Variants in HRH1 observed in about 807,000 individuals in gnomAD.
HRH1 encodes histamine receptor H1.
In HRH1, 6 loss-of-function variants were observed where a neutral mutation model predicts 10.3. That is an observed-to-expected ratio of 0.58 (90% CI 0.32 to 1.15). The LOEUF (loss-of-function observed/expected upper bound fraction) is 1.15. Ranked by LOEUF, HRH1 falls within the 50% of genes most tolerant of loss-of-function variation. The pLI is 0.05. For synonymous variants in HRH1, 242 were observed against 236.7 expected, an observed-to-expected ratio of 1.02 and a Z score of -0.21; for missense variants, 514 against 615.3, an observed-to-expected ratio of 0.84 and a Z score of 1.74.
chr3:11,258,549 C>T (rs953290000), intron 1 of HRH1, among the ~76,000 whole-genome samples: 5 of 152,184 alleles, frequency 3.3e-5, no homozygotes, highest in Non-Finnish European at 5.9e-5. Context: ...TGTTTGACAT[C>T]CTCATCCTAT....
At chr3:11,223,513 T>G (rs137958474) in intron 1 of HRH1, among the ~76,000 whole-genome samples, 1,836 of 150,390 alleles carry the variant, frequency 0.012, 40 homozygotes, top group African/African-American at 0.042. Context: ...AAAAAAAATG[T>G]GGACGCTCCT....
intron 1 of HRH1, among the ~76,000 whole-genome samples, chr3:11,168,717 C>T (rs1479280777): frequency 1.3e-5 from 2 of 152,230 alleles, no homozygotes; most frequent in African/African-American, 4.8e-5. Flanking sequence ...ATGAGAGGTA[C>T]TCCTGCTGTG....
chr3:11,219,778 C>T (rs896002036), intron 1 of HRH1, among the ~76,000 whole-genome samples: 3 of 150,232 alleles, frequency 2.0e-5, no homozygotes, highest in Non-Finnish European at 4.4e-5. Flanking sequence ...AATCAATGCA[C>T]TGGTATCTGC....
chr3:11,187,691 T>C (rs902590846), intron 1 of HRH1, among the ~76,000 whole-genome samples: 2 of 152,236 alleles, frequency 1.3e-5, no homozygotes, highest in Non-Finnish European at 2.9e-5. Flanking sequence ...ATGATACTCC[T>C]GTCTTCAGGA....
At chr3:11,159,860 G>A (rs183819081) in intron 1 of HRH1, among the ~76,000 whole-genome samples, 102 of 152,298 alleles carry the variant, frequency 6.7e-4, no homozygotes, top group Admixed American at 4.9e-3. Context: ...AGCCAGTTTT[G>A]AAGGAGGAAC....
intron 1 of HRH1, among the ~76,000 whole-genome samples, chr3:11,247,565 CTGGATTTGTCTGGACG>C (rs60082151): frequency 0.55 from 83,148 of 151,784 alleles, 24,074 homozygotes; most frequent in East Asian, 0.7. Context: ...GAAGGCATAT[CTGGATTTGTCTGGACG>C]TGGCAAAGGC....
At chr3:11,210,238 A>G (rs773058568) in intron 1 of HRH1, among the ~76,000 whole-genome samples, 1 of 152,088 alleles carries the variant, frequency 6.6e-6, no homozygotes, top group Non-Finnish European at 1.5e-5. Flanking sequence ...CAAAAAAGAT[A>G]CAAAAATTAG....
intron 1 of HRH1, among the ~76,000 whole-genome samples, chr3:11,137,725 C>T (rs1044702215): frequency 3.3e-5 from 5 of 152,070 alleles, no homozygotes; most frequent in African/African-American, 4.8e-5. Flanking sequence ...TGGGGAACAG[C>T]GACCGGAACG....
At chr3:11,258,032 ATTGT>A (rs1470824267) in intron 1 of HRH1, among the ~76,000 whole-genome samples, 7 of 152,192 alleles carry the variant, frequency 4.6e-5, no homozygotes, top group African/African-American at 1.7e-4. Context: ...ATTTAAAAAA[ATTGT>A]TTGTTTTTCA....
rs1020178818 is a variant in HRH1 at position 11,234,714 on chromosome 3, G to A, written c.-35-24289G>A. ...CCCTGCCCTGAGACCTTGCAGAAGTGGCGGTGGCAGCAGCTGTAGCTTCAC... is the reference window on the plus strand; with the variant it reads ...CCCTGCCCTGAGACCTTGCAGAAGTAGCGGTGGCAGCAGCTGTAGCTTCAC... On this transcript the variant is annotated intron_variant, in intron 1 of 1. Transcript: ENST00000431010. 1.7e-5 allele frequency: 16 copies of A among 920,772 alleles called. No homozygotes were observed. The African/African-American group carries it at 2.1e-4, about 12-fold the overall frequency. The allele number at this position is 920,772 out of a possible 1,614,324, so 57.0% of individuals were successfully genotyped here.
intron 1 of HRH1, among the ~76,000 whole-genome samples, chr3:11,254,275 T>C (rs376486421): frequency 6.6e-6 from 1 of 152,194 alleles, no homozygotes; most frequent in South Asian, 2.1e-4. Context: ...GCTTTTGCTT[T>C]ATCCTTCTCC....
chr3:11,181,914 AGCCACCACGCCTG>A (rs1206833061), intron 1 of HRH1, among the ~76,000 whole-genome samples: 1 of 151,978 alleles, frequency 6.6e-6, no homozygotes, highest in Non-Finnish European at 1.5e-5. Context: ...TACAGGCATG[AGCCACCACGCCTG>A]GCCCCCTTGC....
chr3:11,189,658 G>A (rs1288189630), intron 1 of HRH1, among the ~76,000 whole-genome samples: 6 of 152,122 alleles, frequency 3.9e-5, no homozygotes, highest in East Asian at 3.9e-4. Context: ...CTGGCTGGGC[G>A]TGGTGGCTCA....
intron 1 of HRH1, among the ~76,000 whole-genome samples, chr3:11,186,631 A>C (rs551912263): frequency 2.6e-5 from 4 of 152,166 alleles, no homozygotes; most frequent in African/African-American, 9.6e-5. Flanking sequence ...ATCTGAGACC[A>C]CTCTGATTCC....
At position 11,154,664 on chromosome 3, in the gene HRH1, C is replaced by A. The variant is rs1936739055; in HGVS notation, c.-36+110C>A. 6.6e-6 allele frequency: 1 copy of A among 152,016 alleles called. No homozygotes were observed. The highest frequency in any genetic ancestry group is 1.5e-5 in the Non-Finnish European group (1 of 67,990). The allele number at this position is 152,016 out of a possible 1,614,324, so 9.4% of individuals were successfully genotyped here. ...GGCATCCCGGCAGGGCGGCCGGGAA[C>A]CCCGGAGCCGCCCGCTTGAGAAGAG... On this transcript the variant is annotated intron_variant, in intron 1 of 1. Coordinates refer to ENST00000431010, the MANE Select transcript of HRH1 (RefSeq NM_001098212.2). This position sits in a 1 kb window ranked among gnomAD's most constrained non-coding sequence, Gnocchi z 4.4.
chr3:11,240,345 C>T (rs192924464), intron 1 of HRH1, among the ~76,000 whole-genome samples: 2 of 152,020 alleles, frequency 1.3e-5, no homozygotes, highest in Non-Finnish European at 2.9e-5. Context: ...TAAAATATTT[C>T]ATGTAAAAAC....
chr3:11,241,140 G>A (rs774646185), intron 1 of HRH1, among the ~76,000 whole-genome samples: 2 of 151,964 alleles, frequency 1.3e-5, no homozygotes, highest in Non-Finnish European at 2.9e-5. Context: ...CAATCTCATT[G>A]TTGAAATCCT....
chr3:11,248,692 C>G (rs867303099), intron 1 of HRH1, among the ~76,000 whole-genome samples: 1 of 152,232 alleles, frequency 6.6e-6, no homozygotes, highest in South Asian at 2.1e-4. Flanking sequence ...AACTTCTCCC[C>G]CTGCCATGAA....
At position 11,262,538 on chromosome 3, in the gene HRH1, G is replaced by A. The variant is rs1371045183; in HGVS notation, c.*2037G>A. 6.0e-6 allele frequency: 1 copy of A among 167,110 alleles called. No homozygotes were observed. Among genetic ancestry groups the A allele is most frequent in the African/African-American group, 2.4e-5 (1 of 41,460 alleles). The allele number at this position is 167,110 out of a possible 1,614,324, so 10.4% of individuals were successfully genotyped here. On this transcript the variant is annotated 3_prime_UTR_variant, in exon 2 of 2. Transcript: ENST00000431010. Reference sequence around the variant, plus strand: ...TTAGGAGACTTTAATCCCGGTTTCAGAAGCTGCAGCTGGTCTGTTTCCAGG... The same window carrying A: ...TTAGGAGACTTTAATCCCGGTTTCAAAAGCTGCAGCTGGTCTGTTTCCAGG...
Sources: allele counts gnomAD v4.1 joint callset (sites outside exome capture counted in the v4.1 genomes callset), GRCh38; gene constraint gnomAD v4.1.1; non-coding constraint Gnocchi (gnomAD v3.1); transcripts MANE v1.5; gene names NCBI Gene and HGNC (gene_info 2026-07-23, HGNC 2026-07-21).